Variants in GPR160 observed in about 807,000 individuals in gnomAD.
The protein encoded by GPR160 is probable G protein-coupled receptor 160.
In GPR160, 2 loss-of-function variants were observed where a neutral mutation model predicts 2.6. The ratio of observed to expected loss-of-function variants is 0.77; its 90% confidence interval spans 0.32 to 2.44. The LOEUF (loss-of-function observed/expected upper bound fraction) is 2.44, where lower values mean the gene tolerates loss of function less well. Among genes scored for constraint, GPR160 ranks in the 30% most tolerant of loss-of-function variants. The pLI is 0.11. For synonymous variants in GPR160, 130 were observed against 132.2 expected (o/e 0.98, Z 0.12); for missense variants, 351 against 383.6 (o/e 0.91, Z 0.71).
intron 2 of GPR160, among the ~76,000 whole-genome samples, chr3:170,046,126 A>G (rs962333038): frequency 6.6e-6 from 1 of 152,188 alleles, no homozygotes; most frequent in Non-Finnish European, 1.5e-5. Flanking sequence ...GACCACAGGG[A>G]AGAAATGCAT....
intron 2 of GPR160, among the ~76,000 whole-genome samples, chr3:170,067,420 T>A (rs1429452373): frequency 6.6e-6 from 1 of 152,236 alleles, no homozygotes; most frequent in Non-Finnish European, 1.5e-5. Context: ...ATATTGGGAT[T>A]TTGATCTTTT....
In GPR160 at chr3:170,084,569, C is replaced by T; in HGVS notation, c.597C>T (p.Thr199=). 1 of 1,612,450 alleles carries T rather than the reference C, an allele frequency of 6.2e-7. No individual in the cohort carries two copies. Among genetic ancestry groups the T allele is most frequent in the Non-Finnish European group, 8.5e-7 (1 of 1,178,542 alleles). Residue 199 remains threonine, a synonymous_variant, in exon 4 of 4, where the codon ACC becomes ACT. Coordinates refer to ENST00000355897, the MANE Select transcript of GPR160 (RefSeq NM_014373.3). ...MVMILFVAFI[T]CWEEVTTLVQ... is the part of the protein sequence containing the mutation. ...TGATTTTATTTGTAGCTTTCATAAC[C>T]TGTTGGGAAGAAGTTACTACTTTGG...
chr3:170,043,038 C>T (rs1465960019), intron 2 of GPR160, among the ~76,000 whole-genome samples: 7 of 150,612 alleles, frequency 4.6e-5, no homozygotes, highest in Admixed American at 6.6e-5. Flanking sequence ...CCCACCACCA[C>T]GCCCAGCTAA....
chr3:170,067,557 C>A (rs1480881948), intron 2 of GPR160, among the ~76,000 whole-genome samples: 1 of 152,038 alleles, frequency 6.6e-6, no homozygotes, highest in Non-Finnish European at 1.5e-5. Context: ...AAAGCCTGAC[C>A]CCCATTCCCA....
intron 2 of GPR160, among the ~76,000 whole-genome samples, chr3:170,055,695 C>T (rs1274335894): frequency 1.3e-5 from 2 of 152,110 alleles, no homozygotes; most frequent in Middle Eastern, 3.4e-3. Context: ...AGTGCAGTGG[C>T]GCGATCCCGG....
chr3:170,045,890 T>C (rs1309680201), intron 2 of GPR160, among the ~76,000 whole-genome samples: 1 of 152,178 alleles, frequency 6.6e-6, no homozygotes, highest in African/African-American at 2.4e-5. Context: ...ACTCATTTTT[T>C]AAAACCTCTT....
At chr3:170,064,340 C>T (rs1290197870) in intron 2 of GPR160, among the ~76,000 whole-genome samples, 1 of 152,088 alleles carries the variant, frequency 6.6e-6, no homozygotes, top group African/African-American at 2.4e-5. Context: ...GCCCAGATCC[C>T]CCAACCCGAA....
chr3:170,080,067 G>A (rs1046255698), intron 3 of GPR160, among the ~76,000 whole-genome samples, 170 bp downstream of exon 3: 2 of 152,160 alleles, frequency 1.3e-5, no homozygotes, highest in African/African-American at 4.8e-5. Flanking sequence ...AACTTTTCAG[G>A]TTGCATATGA....
chr3:170,084,708 GTC>G lies in GPR160; in HGVS notation c.738_739del (p.Cys247PhefsTer19). On this transcript the variant is annotated frameshift_variant, in exon 4 of 4. Coordinates refer to ENST00000355897, the MANE Select transcript of GPR160 (RefSeq NM_014373.3). LOFTEE classifies it high-confidence loss of function. Reference sequence around the variant, plus strand: ...AAAAATATTCTTATCCAAGCTCATTGTCTGTTTTCTCAGTACCTGGTTACCAT... The same window carrying G: ...AAAAATATTCTTATCCAAGCTCATTGTGTTTTCTCAGTACCTGGTTACCAT... Reference protein sequence around the residue: ...SKKIFLSKLIVCFLSTWLPFV... With the variant: ...SKKIFLSKLIXCFLSTWLPFV... The G allele has an allele frequency of 1.2e-6, 2 of 1,612,678 alleles. No individual in the cohort carries two copies. The highest frequency in any genetic ancestry group is 1.7e-6 in the Non-Finnish European group (2 of 1,179,134).
intron 2 of GPR160, among the ~76,000 whole-genome samples, chr3:170,072,298 C>T (rs1712636420): frequency 6.6e-6 from 1 of 152,056 alleles, no homozygotes; most frequent in Non-Finnish European, 1.5e-5. Flanking sequence ...TTGTCTTGAA[C>T]TCCTGACCTC....
chr3:170,058,579 A>C (rs757044097), intron 2 of GPR160, among the ~76,000 whole-genome samples: 1 of 152,258 alleles, frequency 6.6e-6, no homozygotes, highest in East Asian at 1.9e-4. Context: ...TTAGAATTCA[A>C]TACTAGTTAA....
chr3:170,084,503 T>C lies in GPR160; in HGVS notation c.531T>C (p.Tyr177=), dbSNP rs952282516. The C allele has an allele frequency of 6.2e-7, 1 of 1,613,460 alleles. No homozygotes were observed. The highest frequency in any genetic ancestry group is 1.3e-5 in the African/African-American group (1 of 74,944). Residue 177 remains tyrosine (Y), a synonymous_variant, in exon 4 of 4, where the codon TAT becomes TAC. Coordinates refer to ENST00000355897, the MANE Select transcript of GPR160 (RefSeq NM_014373.3). ...QNAYSRHCPF[Y]VSIQSYWLSF... is the part of the protein sequence containing the mutation. ...CTTATTCTCGTCACTGTCCTTTCTA[T>C]GTCAGCATTCAGAGTTACTGGCTGT...
chr3:170,059,022 CAT>C (rs1308841208), intron 2 of GPR160, among the ~76,000 whole-genome samples: 1 of 123,840 alleles, frequency 8.1e-6, no homozygotes, highest in Non-Finnish European at 1.7e-5. Context: ...TACACACACA[CAT>C]GCACAAACAC....
chr3:170,066,571 C>A (rs1712356720), intron 2 of GPR160, among the ~76,000 whole-genome samples: 1 of 152,134 alleles, frequency 6.6e-6, no homozygotes, highest in South Asian at 2.1e-4. Context: ...TAAAAGAGAG[C>A]TGCATAGTAT....
At chr3:170,067,123 A>G (rs575364886) in intron 2 of GPR160, among the ~76,000 whole-genome samples, 18 of 152,046 alleles carry the variant, frequency 1.2e-4, no homozygotes, top group African/African-American at 3.6e-4. Context: ...TCCCGCCTCA[A>G]CCTCCCAAGT....
chr3:170,070,919 A>C (rs746035164), intron 2 of GPR160, among the ~76,000 whole-genome samples: 4 of 152,158 alleles, frequency 2.6e-5, no homozygotes, highest in African/African-American at 4.8e-5. Context: ...ACTCATTTTT[A>C]GTGTATAATT....
At chr3:170,040,183 AG>A (rs1479666478) in intron 2 of GPR160, among the ~76,000 whole-genome samples, 2 of 152,246 alleles carry the variant, frequency 1.3e-5, no homozygotes, top group Non-Finnish European at 2.9e-5. Flanking sequence ...CAGAACTTAA[AG>A]TAAAACAAAA....
chr3:170,052,092 A>G (rs1255643933), intron 2 of GPR160, among the ~76,000 whole-genome samples: 1 of 152,130 alleles, frequency 6.6e-6, no homozygotes, highest in African/African-American at 2.4e-5. Flanking sequence ...TGCTCAGCTA[A>G]TTTTTGTATT....
intron 2 of GPR160, among the ~76,000 whole-genome samples, chr3:170,055,488 C>T (rs1208883369): frequency 6.6e-6 from 1 of 151,828 alleles, no homozygotes; most frequent in Non-Finnish European, 1.5e-5. Context: ...AGAGTGGGGT[C>T]TCAGGGACTA....
Sources: allele counts gnomAD v4.1 joint callset (sites outside exome capture counted in the v4.1 genomes callset), GRCh38; gene constraint gnomAD v4.1.1; transcripts MANE v1.5; gene names NCBI Gene and HGNC (gene_info 2026-07-23, HGNC 2026-07-21).